GAB2: variants seen among roughly 807,000 people sequenced by gnomAD.
GAB2 encodes the protein GRB2 associated binding protein 2.
Under a neutral mutation model 65.5 loss-of-function variants are expected in GAB2, and 26 were observed. The observed-to-expected ratio is 0.40, with a 90% CI of 0.29 to 0.55. The LOEUF is 0.55. Ranked by LOEUF, GAB2 falls within the 20% of genes least tolerant of loss-of-function variation. The pLI, the probability that GAB2 is intolerant of heterozygous loss-of-function variation, is 0.53. For missense variants in GAB2, 884 were observed against 875.8 expected, an observed-to-expected ratio of 1.01 and a Z score of -0.12; for synonymous variants, 321 against 329.6, an observed-to-expected ratio of 0.97 and a Z score of 0.28.
At chr11:78,296,566 CA>C (rs1396284554) in intron 1 of GAB2, among the ~76,000 whole-genome samples, 1 of 151,966 alleles carries the variant, frequency 6.6e-6, no homozygotes, top group Non-Finnish European at 1.5e-5. Context: ...ACAAAAAGCA[CA>C]AAAATGCAAA....
At chr11:78,333,689 C>G (rs1174333023) in intron 1 of GAB2, among the ~76,000 whole-genome samples, 1 of 152,166 alleles carries the variant, frequency 6.6e-6, no homozygotes, top group Non-Finnish European at 1.5e-5. Flanking sequence ...AGTTTTTCAC[C>G]ATGGGTGATC....
At chr11:78,248,985 T>C (rs1324384140) in intron 3 of GAB2, among the ~76,000 whole-genome samples, 1 of 152,184 alleles carries the variant, frequency 6.6e-6, no homozygotes, top group African/African-American at 2.4e-5. Context: ...GTTGAACTAG[T>C]GAAAGTTCAC....
At chr11:78,353,292 T>A (rs1454758565) in intron 1 of GAB2, among the ~76,000 whole-genome samples, 1 of 152,012 alleles carries the variant, frequency 6.6e-6, no homozygotes, top group East Asian at 1.9e-4. Context: ...AACACAAAAA[T>A]TAGCTGGGCA....
At chr11:78,397,033 G>A (rs961281509) in intron 1 of GAB2, among the ~76,000 whole-genome samples, 3 of 152,064 alleles carry the variant, frequency 2.0e-5, no homozygotes, top group Non-Finnish European at 4.4e-5. Flanking sequence ...TAATGTTTAG[G>A]CTTGACAGGA....
intron 1 of GAB2, among the ~76,000 whole-genome samples, chr11:78,414,965 G>A (rs11237485): frequency 0.16 from 24,926 of 151,962 alleles, 2,767 homozygotes; most frequent in East Asian, 0.43. Flanking sequence ...TCAGCCTCCC[G>A]GGCTCACGCG....
At chr11:78,327,270 G>A (rs1448808681) in intron 1 of GAB2, among the ~76,000 whole-genome samples, 1 of 152,034 alleles carries the variant, frequency 6.6e-6, no homozygotes, top group East Asian at 1.9e-4. Context: ...AATTATCTTT[G>A]CATTTTAATA....
At chr11:78,385,452 C>T (rs1371085906) in intron 1 of GAB2, among the ~76,000 whole-genome samples, 1 of 152,144 alleles carries the variant, frequency 6.6e-6, no homozygotes, top group African/African-American at 2.4e-5. Flanking sequence ...CATGACACAT[C>T]AAGGAATAAA....
chr11:78,267,471 G>A (rs1413145023), intron 2 of GAB2, among the ~76,000 whole-genome samples: 1 of 152,062 alleles, frequency 6.6e-6, no homozygotes, highest in African/African-American at 2.4e-5. Flanking sequence ...CACATGGGGC[G>A]GCCAATTTTT....
At chr11:78,412,903 A>G (rs1013531071) in intron 1 of GAB2, among the ~76,000 whole-genome samples, 2 of 152,176 alleles carry the variant, frequency 1.3e-5, no homozygotes, top group African/African-American at 4.8e-5. Context: ...AAGTCATGGC[A>G]GTGGGGATGA....
intron 1 of GAB2, among the ~76,000 whole-genome samples, chr11:78,397,345 A>G (rs769165108): frequency 2.0e-5 from 3 of 152,250 alleles, no homozygotes; most frequent in Admixed American, 2.0e-4. Flanking sequence ...TGCTTTAGGT[A>G]CCAAGGCTAC....
intron 3 of GAB2, among the ~76,000 whole-genome samples, chr11:78,248,898 CACTA>C (rs2134519918): frequency 6.6e-6 from 1 of 152,316 alleles, no homozygotes; most frequent in Admixed American, 6.5e-5. Context: ...CAGTTAACGC[CACTA>C]ACTAGTTCAG....
chr11:78,344,071 G>C (rs942613660), intron 1 of GAB2, among the ~76,000 whole-genome samples: 4 of 152,102 alleles, frequency 2.6e-5, no homozygotes, highest in African/African-American at 9.7e-5. Context: ...GATATGCAAG[G>C]AGTTACAAAG....
At chr11:78,313,299 G>C (rs529867514) in intron 1 of GAB2, among the ~76,000 whole-genome samples, 1 of 152,018 alleles carries the variant, frequency 6.6e-6, no homozygotes, top group African/African-American at 2.4e-5. Context: ...GACTGAATCC[G>C]AATCCTAGAC....
intron 1 of GAB2, among the ~76,000 whole-genome samples, chr11:78,414,200 T>C (rs10899500): frequency 0.18 from 26,884 of 152,076 alleles, 2,918 homozygotes; most frequent in East Asian, 0.44. Flanking sequence ...TCATTTCAAT[T>C]TTCCTTTGAA....
chr11:78,241,407 G>T (rs1358816250), intron 3 of GAB2, among the ~76,000 whole-genome samples: 1 of 152,102 alleles, frequency 6.6e-6, no homozygotes, highest in Non-Finnish European at 1.5e-5. Context: ...CACAAAAAAG[G>T]AAGGAAATAT....
intron 1 of GAB2, among the ~76,000 whole-genome samples, chr11:78,388,850 AAG>A (rs1394301841): frequency 2.6e-5 from 4 of 152,212 alleles, no homozygotes; most frequent in Non-Finnish European, 5.9e-5. Flanking sequence ...TAGAGCGAGA[AAG>A]AAAGTTAACC....
At chr11:78,227,253 G>T (rs1051692084) in intron 3 of GAB2, among the ~76,000 whole-genome samples, 1 of 152,162 alleles carries the variant, frequency 6.6e-6, no homozygotes, top group Non-Finnish European at 1.5e-5. Flanking sequence ...TCTCCAAATG[G>T]CAGTTAATAG....
intron 1 of GAB2, among the ~76,000 whole-genome samples, chr11:78,410,360 T>C (rs1857111124): frequency 6.6e-6 from 1 of 151,940 alleles, no homozygotes; most frequent in Non-Finnish European, 1.5e-5. Flanking sequence ...AAAAATCAGC[T>C]GGGCATTGTG....
chr11:78,402,425 T>TA (rs201227183), intron 1 of GAB2, among the ~76,000 whole-genome samples: 3,434 of 152,102 alleles, frequency 0.023, 123 homozygotes, highest in African/African-American at 0.071. Context: ...CATTTTTGTT[T>TA]AAAAAAAATT....
Sources: gnomAD v4.1 joint callset for allele counts (sites outside exome capture counted in the v4.1 genomes callset) on GRCh38, gnomAD v4.1.1 for gene constraint, MANE v1.5 for transcripts, NCBI Gene and HGNC (gene_info 2026-07-23, HGNC 2026-07-21) for gene names.